Variants in COX10 observed in about 807,000 individuals in gnomAD.
The protein encoded by COX10 is protoheme IX farnesyltransferase, mitochondrial.
Under a neutral mutation model 37.3 loss-of-function variants are expected in COX10, and 27 were observed. That is an observed-to-expected ratio of 0.72 (90% CI 0.53 to 1.00). The LOEUF is 1.00. Ranked by LOEUF, COX10 falls within the 50% of genes least tolerant of loss-of-function variation. The pLI is 0.00. For synonymous variants in COX10, 222 were observed against 229.1 expected, an observed-to-expected ratio of 0.97 and a Z score of 0.28; for missense variants, 475 against 563.2, an observed-to-expected ratio of 0.84 and a Z score of 1.59.
intron 5 of COX10, chr17:14,177,207 T>C (rs1351339738): frequency 1.4e-6 from 1 of 718,772 alleles, no homozygotes; most frequent in African/African-American, 1.7e-5. Flanking sequence ...CCTCCGTCAC[T>C]GTTCTAGGGG....
At chr17:14,127,925 GTA>G (rs1555536375) in intron 4 of COX10, among the ~76,000 whole-genome samples, 44 of 98,516 alleles carry the variant, frequency 4.5e-4, no homozygotes, top group Non-Finnish European at 7.2e-4. Context: ...AAGAGTGTGT[GTA>G]TGTGTGTGTG....
chr17:14,181,931 C>T lies in COX10; in HGVS notation c.696-10058C>T, dbSNP rs1398908971. On this transcript the variant is annotated intron_variant, in intron 5 of 6. Coordinates refer to ENST00000261643, the MANE Select transcript of COX10 (RefSeq NM_001303.4). ...GTGTAGCATAATTCAGGGGTCACCACGTACTCCCCTCTGAATAAGAAGGCT... is the reference window on the plus strand; with the variant it reads ...GTGTAGCATAATTCAGGGGTCACCATGTACTCCCCTCTGAATAAGAAGGCT... The T allele has an allele frequency of 4.4e-5, 40 of 915,416 alleles. No individual in the cohort carries two copies. In the East Asian group the frequency reaches 4.7e-4, roughly 11 times the overall value. 56.7% of individuals were successfully genotyped at this position (915,416 alleles called of 1,614,324 possible).
intron 1 of COX10, among the ~76,000 whole-genome samples, chr17:14,070,017 A>G (rs1273478186): frequency 6.6e-6 from 1 of 152,208 alleles, no homozygotes; most frequent in Admixed American, 6.5e-5. Flanking sequence ...TTGCAATGAC[A>G]AGGAAGGTGC....
rs368210789 is a variant in COX10, at chr17:14,126,674, A to G, written c.624+24432A>G. Among the ~76,000 whole-genome samples, 10 of 151,986 alleles carry G rather than the reference A, an allele frequency of 6.6e-5. No homozygotes were observed. The East Asian group carries it at 1.5e-3, about 23-fold the overall frequency. ...TTCATCTTTTGTTCAGCTCCTTGAT[A>G]TTAGGGTGTTGGTGGCAGGGGATGT... On this transcript the variant is annotated intron_variant, in intron 4 of 6. Coordinates refer to ENST00000261643, the MANE Select transcript of COX10 (RefSeq NM_001303.4).
At chr17:14,082,236 G>A (rs749374766) in intron 3 of COX10, among the ~76,000 whole-genome samples, 6 of 152,106 alleles carry the variant, frequency 3.9e-5, no homozygotes, top group Non-Finnish European at 7.4e-5. Context: ...GAGGAAGACC[G>A]GAAAAGACCC....
chr17:14,170,538 A>G (rs2530372), intron 5 of COX10, among the ~76,000 whole-genome samples: 71,904 of 152,034 alleles, frequency 0.47, 18,869 homozygotes, highest in East Asian at 0.62. Context: ...AGCCTAGGCC[A>G]GGTGCATGGT....
intron 5 of COX10, among the ~76,000 whole-genome samples, chr17:14,184,870 CAGAG>C (rs1905981319): frequency 6.6e-6 from 1 of 150,478 alleles, no homozygotes; most frequent in South Asian, 2.2e-4. Flanking sequence ...TATCAAATCT[CAGAG>C]AGCTTCCAGA....
At chr17:14,152,545 G>A (rs78706299) in intron 4 of COX10, among the ~76,000 whole-genome samples, 35,644 of 152,062 alleles carry the variant, frequency 0.23, 5,187 homozygotes, top group Admixed American at 0.32. Context: ...GCTGATGTAG[G>A]GGTTAGACCT....
chr17:14,184,441 A>C (rs548945643), intron 5 of COX10, among the ~76,000 whole-genome samples: 1 of 152,362 alleles, frequency 6.6e-6, no homozygotes, highest in East Asian at 1.9e-4. Context: ...ATTTCTTATG[A>C]AAAATCCCAA....
intron 4 of COX10, among the ~76,000 whole-genome samples, chr17:14,105,845 ACTT>A (rs1357919195): frequency 1.3e-5 from 2 of 152,212 alleles, no homozygotes; most frequent in African/African-American, 4.8e-5. Flanking sequence ...ATTATTATAG[ACTT>A]CTTCACATAC....
chr17:14,166,809 T>C (rs4605206), intron 5 of COX10, among the ~76,000 whole-genome samples: 2 of 98,744 alleles, frequency 2.0e-5, no homozygotes, highest in African/African-American at 6.1e-5. Context: ...TTTTTTTTTG[T>C]ATTTTTAGTA....
intron 4 of COX10, among the ~76,000 whole-genome samples, chr17:14,151,359 C>T (rs1344012563): frequency 4.6e-5 from 7 of 152,008 alleles, no homozygotes; most frequent in Non-Finnish European, 8.8e-5. Flanking sequence ...GTTGCTTGTC[C>T]GGCAAAATTT....
intron 4 of COX10, among the ~76,000 whole-genome samples, chr17:14,141,115 T>C (rs568615104): frequency 6.6e-6 from 1 of 152,296 alleles, no homozygotes; most frequent in Non-Finnish European, 1.5e-5. Flanking sequence ...TAGTGTTAAT[T>C]TATCTGTTTT....
At chr17:14,110,736 G>A (rs1262796008) in intron 4 of COX10, among the ~76,000 whole-genome samples, 3 of 151,912 alleles carry the variant, frequency 2.0e-5, no homozygotes, top group African/African-American at 7.3e-5. Flanking sequence ...CCTGTTATCT[G>A]GGTTAGATTG....
chr17:14,117,134 G>T (rs1227404212), intron 4 of COX10, among the ~76,000 whole-genome samples: 1 of 152,140 alleles, frequency 6.6e-6, no homozygotes, highest in East Asian at 1.9e-4. Flanking sequence ...ATTTTAGCAT[G>T]AAGATATTTT....
intron 5 of COX10, among the ~76,000 whole-genome samples, chr17:14,164,517 T>A (rs922318594): frequency 2.0e-5 from 3 of 152,262 alleles, no homozygotes; most frequent in African/African-American, 7.2e-5. Flanking sequence ...AAAGAATTTT[T>A]AAATTATTTT....
At chr17:14,086,572 T>G (rs1394103726) in intron 3 of COX10, among the ~76,000 whole-genome samples, 1 of 152,190 alleles carries the variant, frequency 6.6e-6, no homozygotes, top group Non-Finnish European at 1.5e-5. Flanking sequence ...TAGTTTTACT[T>G]AAATAGATCA....
At chr17:14,171,961 G>A (rs1445714166) in intron 5 of COX10, among the ~76,000 whole-genome samples, 1 of 152,128 alleles carries the variant, frequency 6.6e-6, no homozygotes, top group Non-Finnish European at 1.5e-5. Flanking sequence ...TTACTCAACA[G>A]ATTGTGTCTT....
At chr17:14,110,075 A>G (rs936465608) in intron 4 of COX10, among the ~76,000 whole-genome samples, 3 of 152,158 alleles carry the variant, frequency 2.0e-5, no homozygotes, top group Non-Finnish European at 4.4e-5. Context: ...AAGGAGAACC[A>G]TTGATGTTCT....
Sources: gnomAD v4.1 joint callset for allele counts (sites outside exome capture counted in the v4.1 genomes callset) on GRCh38, gnomAD v4.1.1 for gene constraint, MANE v1.5 for transcripts, NCBI Gene and HGNC (gene_info 2026-07-23, HGNC 2026-07-21) for gene names.